HPSE: variants seen among roughly 807,000 people sequenced by gnomAD.
The protein encoded by HPSE is heparanase.
Under a neutral mutation model 65.1 loss-of-function variants are expected in HPSE, and 48 were observed. The ratio of observed to expected loss-of-function variants is 0.74; its 90% CI spans 0.58 to 0.94. The LOEUF is 0.94. Ranked by LOEUF, HPSE falls within the 40% of genes least tolerant of loss-of-function variation. The pLI is 0.00. For missense variants in HPSE, 644 were observed against 637.5 expected (o/e 1.01, Z -0.11); for synonymous variants, 243 against 260.0 (o/e 0.93, Z 0.63).
At position 83,313,218 on chromosome 4, in the gene HPSE, G is replaced by A; in HGVS notation, c.569C>T (p.Ala190Val). 1.9e-6 allele frequency: 3 copies of A among 1,613,552 alleles called. No homozygotes were observed. Among genetic ancestry groups the A allele is most frequent in the Non-Finnish European group, 2.5e-6 (3 of 1,179,654 alleles). Reference sequence around the variant, plus strand: ...CTGCAAATCTGCTGTTCTTAATAACGCATTTAGGCCAAAGATCAAGTCCAG... The same window carrying A: ...CTGCAAATCTGCTGTTCTTAATAACACATTTAGGCCAAAGATCAAGTCCAG... ...SGLDLIFGLN[A>V]LLRTADLQWN... Residue 190 changes from alanine (A) to valine (V), a missense_variant, in exon 4 of 12, where the codon GCG becomes GTG. Transcript: ENST00000311412.
At chr4:83,296,536 A>G (rs1457432056) in intron 11 of HPSE, among the ~76,000 whole-genome samples, 46 of 152,048 alleles carry the variant, frequency 3.0e-4, no homozygotes, top group Admixed American at 3.0e-3. Flanking sequence ...TTAGCCGGGC[A>G]TGGTGGTGTG....
At chr4:83,313,422 T>C (rs1736500166) in intron 3 of HPSE, 135 bp from the exon 4 acceptor site, 4 of 586,778 alleles carry the variant, frequency 6.8e-6, no homozygotes, top group Admixed American at 7.1e-5. Context: ...ATTATAATTA[T>C]GTTTTTGAGA....
At chr4:83,329,199 C>T (rs192069917) in intron 1 of HPSE, among the ~76,000 whole-genome samples, 1 of 152,196 alleles carries the variant, frequency 6.6e-6, no homozygotes, top group East Asian at 1.9e-4. Context: ...CCTCCTCCCG[C>T]AAGAGCTCAA....
At chr4:83,320,938 G>GC (rs1444187158) in intron 2 of HPSE, among the ~76,000 whole-genome samples, 2 of 152,216 alleles carry the variant, frequency 1.3e-5, no homozygotes, top group Admixed American at 6.5e-5. Flanking sequence ...TGGTGGCTAT[G>GC]CCTATAATCC....
chr4:83,327,140 C>T (rs1359246331), intron 1 of HPSE, among the ~76,000 whole-genome samples: 1 of 152,152 alleles, frequency 6.6e-6, no homozygotes, highest in East Asian at 1.9e-4. Flanking sequence ...AGAATCTACC[C>T]GATACCTAGA....
At chr4:83,295,636 T>C (rs1403565757) in intron 11 of HPSE, 133 bp from the exon 12 acceptor site, 1 of 555,402 alleles carries the variant, frequency 1.8e-6, no homozygotes, top group African/African-American at 1.9e-5. Flanking sequence ...AACTTGTATT[T>C]CAACACTATA....
chr4:83,303,844 A>G (rs1185371809), intron 9 of HPSE, among the ~76,000 whole-genome samples: 2 of 152,190 alleles, frequency 1.3e-5, no homozygotes, highest in Non-Finnish European at 2.9e-5. Flanking sequence ...TGAAATATTT[A>G]TAGATAAAGT....
In HPSE at chr4:83,293,361, G is replaced by C. The variant is rs1291307934; in HGVS notation, c.*1983C>G. On this transcript the variant is annotated 3_prime_UTR_variant, in exon 12 of 12. Transcript: ENST00000311412. ...CATTTTCTTCCTCTGGTTGCTATGA[G>C]GTTTGAAGGGGCCCATGAAACAGCT... The C allele has an allele frequency of 1.3e-5, 2 of 152,166 alleles. No individual in the cohort carries two copies. The highest frequency in any genetic ancestry group is 4.8e-5 in the African/African-American group (2 of 41,422). 9.4% of individuals were successfully genotyped at this position (152,166 alleles called of 1,614,324 possible). A position where few individuals can be genotyped will look rare whatever the true frequency, so the allele number is the denominator to read the frequency against.
rs115032339 is a variant in HPSE at position 83,328,331 on chromosome 4, C to T, written c.228-5967G>A. Among the ~76,000 whole-genome samples, 1,136 of 152,294 alleles carry T rather than the reference C, an allele frequency of 7.5e-3. 11 individuals are homozygous for T. The highest frequency in any genetic ancestry group is 0.026 in the African/African-American group (1,084 of 41,550). ...TTGACTCCAACTCCATAACTCCTGT[C>T]ATCACATGGTATTCTCCCTATGTGC... On this transcript the variant is annotated intron_variant, in intron 1 of 11. Coordinates refer to ENST00000311412, the MANE Select transcript of HPSE (RefSeq NM_001098540.3).
Position 83,295,054 on chromosome 4 carries a change from C to T in HPSE, c.*290G>A, listed in dbSNP as rs187753134. On this transcript the variant is annotated 3_prime_UTR_variant, in exon 12 of 12. Transcript: ENST00000311412. Reference sequence around the variant, plus strand: ...TGGGTGACAGAGAGAGATTCTGTCTCAAAATAAATAAATAAATAAATAATA... The same window carrying T: ...TGGGTGACAGAGAGAGATTCTGTCTTAAAATAAATAAATAAATAAATAATA... 1.9e-3 allele frequency: 303 copies of T among 160,294 alleles called. 2 individuals carry two copies. The highest frequency in any genetic ancestry group is 6.8e-3 in the African/African-American group (283 of 41,700). The allele number at this position is 160,294 out of a possible 1,614,324, so 9.9% of individuals were successfully genotyped here.
At chr4:83,311,148 GAA>G (rs35740150) in intron 4 of HPSE, among the ~76,000 whole-genome samples, 5 of 148,046 alleles carry the variant, frequency 3.4e-5, no homozygotes, top group Non-Finnish European at 6.0e-5. Flanking sequence ...GTTCCATGGG[GAA>G]AAAAAAAAAT....
rs768589398 is a variant in HPSE, at chr4:83,326,452, AACAGGTGATAG to A, written c.228-4099_228-4089del. ...TGGTAATATCATTTGCTGGATGAGG[AACAGGTGATAG>A]ACTGAAGATGGGGAGGAACAGGGAG... On this transcript the variant is annotated intron_variant, in intron 1 of 11. Coordinates refer to ENST00000311412, the MANE Select transcript of HPSE (RefSeq NM_001098540.3). This position sits in a 1 kb window ranked among gnomAD's most constrained non-coding sequence, Gnocchi z 4.2. Among the ~76,000 whole-genome samples, 15 of 152,210 alleles carry A rather than the reference AACAGGTGATAG, an allele frequency of 9.9e-5. No homozygotes were observed. The highest frequency in any genetic ancestry group is 2.2e-4 in the Non-Finnish European group (15 of 68,038).
In HPSE at chr4:83,310,719, T is replaced by C. The variant is rs1176007279; in HGVS notation, c.842+3A>G. ...AAGTGATTCTGCATCCTCTAGTTCC[T>C]ACCTCTTCAGCATCTTAGCCGTCTT... On this transcript the variant is annotated splice_donor_region_variant and intron_variant, in intron 5 of 11. Coordinates refer to ENST00000311412, the MANE Select transcript of HPSE (RefSeq NM_001098540.3). 1.2e-6 allele frequency: 2 copies of C among 1,609,162 alleles called. No individual in the cohort carries two copies. The highest frequency in any genetic ancestry group is 1.1e-5 in the South Asian group (1 of 90,490).
At chr4:83,325,195 G>T (rs184777277) in intron 1 of HPSE, among the ~76,000 whole-genome samples, 2 of 137,716 alleles carry the variant, frequency 1.5e-5, no homozygotes, top group African/African-American at 5.3e-5. Context: ...TTTGAGACAG[G>T]GTCTCTGTCA....
intron 10 of HPSE, among the ~76,000 whole-genome samples, chr4:83,301,805 C>T (rs936069374): frequency 2.0e-5 from 3 of 152,116 alleles, no homozygotes; most frequent in African/African-American, 4.8e-5. Context: ...CTTCTCAACT[C>T]CAGAAACTGC....
intron 4 of HPSE, among the ~76,000 whole-genome samples, chr4:83,311,117 T>A (rs1736352902): frequency 6.6e-6 from 1 of 151,814 alleles, no homozygotes; most frequent in Admixed American, 6.6e-5. Context: ...GAGACCACTC[T>A]GGGTAACATA....
chr4:83,321,418 G>T (rs4593123), intron 2 of HPSE, among the ~76,000 whole-genome samples: 2 of 152,182 alleles, frequency 1.3e-5, no homozygotes, highest in African/African-American at 2.4e-5. Context: ...GAATATATAC[G>T]TTATATACAC....
At chr4:83,302,388 C>T in intron 9 of HPSE, 120 bp from the exon 10 acceptor site, 1 of 622,336 alleles carries the variant, frequency 1.6e-6, no homozygotes. Context: ...ATCCTGGGGG[C>T]ATTTAAATAG....
Position 83,326,299 on chromosome 4 carries a change from A to T in HPSE, c.228-3935T>A, listed in dbSNP as rs1233918461. On this transcript the variant is annotated intron_variant, in intron 1 of 11. Coordinates refer to ENST00000311412, the MANE Select transcript of HPSE (RefSeq NM_001098540.3). The surrounding 1 kb of genome is among the most constrained non-coding windows in gnomAD (Gnocchi z 4.2). The stretch of plus-strand genomic sequence containing the variant: ...GGTCTTGAACTCCTGGCCTCAAATG[A>T]TCCACCTGCCTCAGCCTCCCAAAGT... Among the ~76,000 whole-genome samples, 1 of 152,198 alleles carries T rather than the reference A, an allele frequency of 6.6e-6. No individual in the cohort carries two copies. The highest frequency in any genetic ancestry group is 2.4e-5 in the African/African-American group (1 of 41,446).
Sources: allele counts gnomAD v4.1 joint callset (sites outside exome capture counted in the v4.1 genomes callset), GRCh38; gene constraint gnomAD v4.1.1; non-coding constraint Gnocchi (gnomAD v3.1); transcripts MANE v1.5; gene names NCBI Gene and HGNC (gene_info 2026-07-23, HGNC 2026-07-21).